Variants in CDH13 observed in about 807,000 individuals in gnomAD.
CDH13 encodes cadherin-13.
CDH13 carries 24 observed loss-of-function variants against 63.8 expected under a neutral mutation model. The ratio of observed to expected loss-of-function variants is 0.38; its 90% CI spans 0.27 to 0.53. The LOEUF is 0.53. Among genes scored for constraint, CDH13 ranks in the 20% least tolerant of loss-of-function variants. The probability of loss-of-function intolerance (pLI) is 0.85; values close to 1 mark genes in which losing one functional copy is unlikely to be tolerated. For synonymous variants in CDH13, 503 were observed against 355.3 expected (o/e 1.42, Z -4.67); for missense variants, 1,049 against 903.1 (o/e 1.16, Z -2.07).
chr16:83,609,228 G>A (rs770675115), intron 8 of CDH13, among the ~76,000 whole-genome samples: 25 of 152,132 alleles, frequency 1.6e-4, no homozygotes, highest in Non-Finnish European at 3.2e-4. Context: ...ACTTTCTTAA[G>A]ACATTATGAG....
intron 3 of CDH13, among the ~76,000 whole-genome samples, chr16:83,065,595 G>C (rs1416032255): frequency 1.3e-5 from 2 of 151,838 alleles, no homozygotes; most frequent in Non-Finnish European, 2.9e-5. Flanking sequence ...ATTCCAGCTA[G>C]TCGGGAGGCT....
At chr16:83,443,927 G>C (rs12443687) in intron 6 of CDH13, among the ~76,000 whole-genome samples, 74,919 of 144,870 alleles carry the variant, frequency 0.52, 21,013 homozygotes, top group African/African-American at 0.69. Flanking sequence ...AGAGGAAACC[G>C]TTTCTAAAAA....
intron 5 of CDH13, among the ~76,000 whole-genome samples, chr16:83,224,658 G>A (rs987750262): frequency 2.0e-5 from 3 of 152,238 alleles, no homozygotes; most frequent in Non-Finnish European, 4.4e-5. Flanking sequence ...ATATGAAATT[G>A]CCATTCTTAC....
At chr16:83,273,363 G>T (rs1187448968) in intron 5 of CDH13, among the ~76,000 whole-genome samples, 3 of 151,898 alleles carry the variant, frequency 2.0e-5, no homozygotes, top group African/African-American at 7.3e-5. Flanking sequence ...AGGCCCTGGG[G>T]TCTTTTGTTC....
At chr16:82,859,986 T>C (rs2039871962) in intron 2 of CDH13, among the ~76,000 whole-genome samples, 1 of 152,218 alleles carries the variant, frequency 6.6e-6, no homozygotes, top group South Asian at 2.1e-4. Flanking sequence ...GATCTCTGAG[T>C]GTGACTCCTG....
At chr16:83,602,007 C>T (rs1184232176) in intron 7 of CDH13, among the ~76,000 whole-genome samples, 1 of 145,304 alleles carries the variant, frequency 6.9e-6, no homozygotes, top group Non-Finnish European at 1.5e-5. Context: ...GCAGGAGAAT[C>T]GCTGGAACCC....
rs529983765 is a variant in CDH13 at position 83,611,537 on chromosome 16, G to GT, written c.1101+8950dup. Among the ~76,000 whole-genome samples, 9 of 151,168 alleles carry GT rather than the reference G, an allele frequency of 6.0e-5. 1 individual carries two copies. The South Asian group carries it at 1.9e-3, about 32-fold the overall frequency. ...ATTTTTCTCTATTGGGTGTTTCTTTGTTTTTTTCCTTCTATCTCTTTGGGT... is the reference window on the plus strand; with the variant it reads ...ATTTTTCTCTATTGGGTGTTTCTTTGTTTTTTTTCCTTCTATCTCTTTGGGT... On this transcript the variant is annotated intron_variant, in intron 8 of 13. Coordinates refer to ENST00000567109, the MANE Select transcript of CDH13 (RefSeq NM_001257.5).
chr16:82,961,593 A>C (rs1449411650), intron 2 of CDH13, among the ~76,000 whole-genome samples: 2 of 151,208 alleles, frequency 1.3e-5, no homozygotes, highest in Admixed American at 1.3e-4. Flanking sequence ...AAAAAAAAAA[A>C]AAACTACTGG....
intron 1 of CDH13, among the ~76,000 whole-genome samples, chr16:82,830,513 G>A (rs895559094): frequency 6.6e-6 from 1 of 152,190 alleles, no homozygotes; most frequent in Non-Finnish European, 1.5e-5. Context: ...AGTAAAAAGA[G>A]GATCTACAGT....
intron 11 of CDH13, among the ~76,000 whole-genome samples, chr16:83,754,592 GT>G (rs763947101): frequency 6.6e-6 from 1 of 152,164 alleles, no homozygotes; most frequent in Non-Finnish European, 1.5e-5. Context: ...CATGGGGGCA[GT>G]TTCCCCCATA....
chr16:83,758,725 A>T (rs951268412), intron 11 of CDH13, among the ~76,000 whole-genome samples: 1 of 152,234 alleles, frequency 6.6e-6, no homozygotes, highest in Admixed American at 6.5e-5. Flanking sequence ...ATTGTTTTAT[A>T]TACCCCAGCA....
At chr16:83,534,494 A>G (rs1016882781) in intron 7 of CDH13, among the ~76,000 whole-genome samples, 1 of 152,120 alleles carries the variant, frequency 6.6e-6, no homozygotes, top group East Asian at 1.9e-4. Flanking sequence ...TACAACCACT[A>G]CCTCCTCTTC....
rs113992662 is a variant in CDH13 at position 83,118,243 on chromosome 16, C to T, written c.367-7142C>T. Among the ~76,000 whole-genome samples the T allele has an allele frequency of 5.3e-4, 80 of 152,274 alleles. 1 individual carries two copies. The highest frequency in any genetic ancestry group is 1.4e-3 in the African/African-American group (60 of 41,546). On this transcript the variant is annotated intron_variant, in intron 3 of 13. Coordinates refer to ENST00000567109, the MANE Select transcript of CDH13 (RefSeq NM_001257.5). Reference sequence around the variant, plus strand: ...TCCTCTGCACACCTCTGCGTGCCTACGTCTGTTCCTGTGACTGAGGGGATT... The same window carrying T: ...TCCTCTGCACACCTCTGCGTGCCTATGTCTGTTCCTGTGACTGAGGGGATT...
chr16:83,093,576 T>C (rs1232966726), intron 3 of CDH13, among the ~76,000 whole-genome samples: 2 of 152,040 alleles, frequency 1.3e-5, no homozygotes, highest in African/African-American at 4.8e-5. Flanking sequence ...TACCTCGGCC[T>C]CCCAAAGTGC....
chr16:82,979,320 T>C (rs1909949729), intron 2 of CDH13, among the ~76,000 whole-genome samples: 1 of 152,122 alleles, frequency 6.6e-6, no homozygotes, highest in African/African-American at 2.4e-5. Context: ...GAGGGCAGAA[T>C]TGTCTTTTGA....
At chr16:82,954,421 G>C (rs1905746524) in intron 2 of CDH13, 1 of 152,110 alleles carries the variant, frequency 6.6e-6, no homozygotes, top group African/African-American at 2.4e-5. Context: ...GAGCACACAA[G>C]AACAGTACCT....
chr16:83,015,655 A>ATGTG (rs1914686458), intron 2 of CDH13, among the ~76,000 whole-genome samples: 1 of 69,084 alleles, frequency 1.4e-5, no homozygotes, highest in Admixed American at 2.0e-4. Context: ...CTTGCAGCAT[A>ATGTG]TATGTGTGTG....
At chr16:83,325,370 A>G (rs1350882003) in intron 5 of CDH13, among the ~76,000 whole-genome samples, 1 of 152,154 alleles carries the variant, frequency 6.6e-6, no homozygotes, top group Non-Finnish European at 1.5e-5. Context: ...AATCTAGATG[A>G]AGATTGACAT....
intron 2 of CDH13, among the ~76,000 whole-genome samples, chr16:83,017,529 C>G (rs1373788173): frequency 2.0e-5 from 3 of 152,176 alleles, no homozygotes; most frequent in Non-Finnish European, 2.9e-5. Flanking sequence ...AAGAAATGTT[C>G]TTACTCTCTG....
Sources: allele counts gnomAD v4.1 joint callset (sites outside exome capture counted in the v4.1 genomes callset), GRCh38; gene constraint gnomAD v4.1.1; transcripts MANE v1.5; gene names NCBI Gene and HGNC (gene_info 2026-07-23, HGNC 2026-07-21).